SH3PXD2A: variants seen among roughly 807,000 people sequenced by gnomAD.
The protein encoded by SH3PXD2A is SH3 and PX domains 2A.
Under a neutral mutation model 115.2 loss-of-function variants are expected in SH3PXD2A, and 32 were observed. The observed-to-expected ratio is 0.28, with a 90% CI of 0.21 to 0.37. The LOEUF is 0.37. SH3PXD2A is among the 10% of genes least tolerant of loss of function. The probability of loss-of-function intolerance (pLI) is 1.00; values close to 1 mark genes in which losing one functional copy is unlikely to be tolerated. For synonymous variants in SH3PXD2A, 610 were observed against 629.1 expected, an observed-to-expected ratio of 0.97 and a Z score of 0.45; for missense variants, 1,328 against 1,498.7, an observed-to-expected ratio of 0.89 and a Z score of 1.88.
chr10:103,783,835 G>A (rs547235149), intron 2 of SH3PXD2A, among the ~76,000 whole-genome samples: 169 of 152,334 alleles, frequency 1.1e-3, no homozygotes, highest in Middle Eastern at 3.4e-3. Flanking sequence ...AATAAACCTC[G>A]GGCAGTGTTG....
intron 3 of SH3PXD2A, among the ~76,000 whole-genome samples, chr10:103,739,670 C>A (rs1316573068): frequency 4.6e-5 from 7 of 152,232 alleles, no homozygotes; most frequent in Non-Finnish European, 8.8e-5. Context: ...CAGGGCTCAG[C>A]TTCTGCCAGA....
At chr10:103,747,674 G>C (rs2038521815) in intron 3 of SH3PXD2A, among the ~76,000 whole-genome samples, 1 of 152,190 alleles carries the variant, frequency 6.6e-6, no homozygotes, top group Admixed American at 6.5e-5. Context: ...CTCTGAGACA[G>C]AGGAAAAGCC....
At chr10:103,611,163 C>T (rs2036421526) in intron 13 of SH3PXD2A, among the ~76,000 whole-genome samples, 1 of 152,218 alleles carries the variant, frequency 6.6e-6, no homozygotes, top group South Asian at 2.1e-4. Flanking sequence ...CTGCCCTCTG[C>T]CCTCCCAGAC....
At chr10:103,852,750 C>A (rs1564904863) in intron 1 of SH3PXD2A, among the ~76,000 whole-genome samples, 1 of 152,222 alleles carries the variant, frequency 6.6e-6, no homozygotes, top group South Asian at 2.1e-4. Flanking sequence ...CTATTGCTTT[C>A]TTTCCCCCTT....
chr10:103,809,770 C>T (rs1385597319), intron 1 of SH3PXD2A, among the ~76,000 whole-genome samples: 1 of 151,460 alleles, frequency 6.6e-6, no homozygotes, highest in African/African-American at 2.4e-5. Context: ...CTACAACCTC[C>T]ACCTCCCAGG....
At chr10:103,733,176 G>A (rs369323858) in intron 4 of SH3PXD2A, among the ~76,000 whole-genome samples, 34 of 152,052 alleles carry the variant, frequency 2.2e-4, no homozygotes, top group African/African-American at 8.2e-4. Flanking sequence ...GTGCTAATCA[G>A]GTTAGGAGGT....
chr10:103,798,486 G>C (rs913292074), intron 2 of SH3PXD2A, among the ~76,000 whole-genome samples: 2 of 152,066 alleles, frequency 1.3e-5, no homozygotes, highest in African/African-American at 4.8e-5. Flanking sequence ...TCTTCACTGG[G>C]GGTCCACAGG....
intron 3 of SH3PXD2A, among the ~76,000 whole-genome samples, chr10:103,766,263 G>A (rs1028547228): frequency 6.6e-6 from 1 of 152,204 alleles, no homozygotes; most frequent in African/African-American, 2.4e-5. Context: ...GCAGGTCCAG[G>A]GCCAGTCTGA....
chr10:103,653,262 C>G (rs1303388480), intron 8 of SH3PXD2A, among the ~76,000 whole-genome samples: 2 of 152,200 alleles, frequency 1.3e-5, no homozygotes, highest in Non-Finnish European at 2.9e-5. Context: ...GATGACCGAC[C>G]GACCAGCCAT....
intron 8 of SH3PXD2A, among the ~76,000 whole-genome samples, chr10:103,654,972 G>A (rs1370815164): frequency 3.0e-5 from 1 of 33,412 alleles, no homozygotes; most frequent in Non-Finnish European, 5.6e-5. Flanking sequence ...AAGGGCCCAA[G>A]ACTGGGCTAG....
At chr10:103,791,144 A>G (rs1564889789) in intron 2 of SH3PXD2A, among the ~76,000 whole-genome samples, 1 of 152,212 alleles carries the variant, frequency 6.6e-6, no homozygotes, top group East Asian at 1.9e-4. Flanking sequence ...CCAGCTTCTT[A>G]CAATTTTCCC....
At chr10:103,680,021 C>A (rs894074106) in intron 6 of SH3PXD2A, among the ~76,000 whole-genome samples, 1 of 152,004 alleles carries the variant, frequency 6.6e-6, no homozygotes, top group African/African-American at 2.4e-5. Context: ...GCTCTGTCAC[C>A]CAGGCTGGAG....
chr10:103,706,165 G>A (rs1463034803), intron 5 of SH3PXD2A, among the ~76,000 whole-genome samples: 2 of 152,218 alleles, frequency 1.3e-5, no homozygotes, highest in African/African-American at 2.4e-5. Context: ...CAGCGTCCAT[G>A]ACCACATGCT....
At chr10:103,795,948 A>C (rs192665889) in intron 2 of SH3PXD2A, among the ~76,000 whole-genome samples, 1 of 150,678 alleles carries the variant, frequency 6.6e-6, no homozygotes, top group Admixed American at 6.6e-5. Flanking sequence ...GGAAGGAAGG[A>C]AGGAAGGAAA....
intron 5 of SH3PXD2A, among the ~76,000 whole-genome samples, chr10:103,716,950 C>G (rs1409413602): frequency 6.6e-6 from 1 of 152,220 alleles, no homozygotes. Flanking sequence ...CGGGATGTCC[C>G]CATCCCACCA....
Position 103,819,164 on chromosome 10 carries a change from G to C in SH3PXD2A, c.73-17802C>G, listed in dbSNP as rs144790982. ...CTGTGCTAGACACTGGCAACACAAA[G>C]TCAAATAAAACACAGCTCCAGTCCC... On this transcript the variant is annotated intron_variant, in intron 1 of 14. Transcript: ENST00000369774. Among the ~76,000 whole-genome samples, 391 of 152,316 alleles carry C rather than the reference G, an allele frequency of 2.6e-3. 5 individuals are homozygous for C. The highest frequency in any genetic ancestry group is 9.2e-3 in the African/African-American group (384 of 41,568).
At chr10:103,807,146 A>G (rs1322581058) in intron 1 of SH3PXD2A, among the ~76,000 whole-genome samples, 1 of 152,190 alleles carries the variant, frequency 6.6e-6, no homozygotes. Context: ...GAGCACTGAG[A>G]ATGAAGCCTA....
chr10:103,841,821 C>A (rs906601972), intron 1 of SH3PXD2A, among the ~76,000 whole-genome samples: 4 of 152,124 alleles, frequency 2.6e-5, no homozygotes, highest in African/African-American at 9.7e-5. Flanking sequence ...CCTTGGCCAC[C>A]CTCTATAAAA....
chr10:103,670,827 G>C (rs576317872), intron 6 of SH3PXD2A, among the ~76,000 whole-genome samples: 1 of 152,364 alleles, frequency 6.6e-6, no homozygotes, highest in Admixed American at 6.5e-5. Context: ...GCCTCCACAA[G>C]GATTTAAGCT....
Sources: gnomAD v4.1 joint callset for allele counts (sites outside exome capture counted in the v4.1 genomes callset) on GRCh38, gnomAD v4.1.1 for gene constraint, MANE v1.5 for transcripts, NCBI Gene and HGNC (gene_info 2026-07-23, HGNC 2026-07-21) for gene names.